Variants in NCALD observed in about 807,000 individuals in gnomAD.
NCALD encodes the protein neurocalcin-delta.
Under a neutral mutation model 18.6 loss-of-function variants are expected in NCALD, and 10 were observed. That is an observed-to-expected ratio of 0.54 (90% CI 0.33 to 0.91). NCALD has a LOEUF of 0.91. NCALD is among the 40% of genes least tolerant of loss of function. The probability of loss-of-function intolerance (pLI) is 0.03; values close to 1 mark genes in which losing one functional copy is unlikely to be tolerated. For synonymous variants in NCALD, 88 were observed against 87.4 expected (o/e 1.01, Z -0.04); for missense variants, 184 against 247.6 (o/e 0.74, Z 1.72).
At chr8:101,831,035 C>T (rs1221488494) in intron 4 of NCALD, among the ~76,000 whole-genome samples, 1 of 152,062 alleles carries the variant, frequency 6.6e-6, no homozygotes, top group African/African-American at 2.4e-5. Context: ...CCTGACCTGG[C>T]TTGAGTGTAC....
intron 2 of NCALD, among the ~76,000 whole-genome samples, chr8:101,709,245 T>C (rs2130287085): frequency 6.6e-6 from 1 of 152,352 alleles, no homozygotes; most frequent in South Asian, 2.1e-4. Context: ...ATTTATGGTG[T>C]ACACCCTACG....
chr8:102,063,565 A>G (rs1823913298), intron 1 of NCALD, among the ~76,000 whole-genome samples: 1 of 152,220 alleles, frequency 6.6e-6, no homozygotes, highest in South Asian at 2.1e-4. Flanking sequence ...AAATTTTTCC[A>G]TCTGTTGCCT....
intron 2 of NCALD, among the ~76,000 whole-genome samples, chr8:101,926,542 C>T (rs531572002): frequency 6.6e-6 from 1 of 152,186 alleles, no homozygotes; most frequent in Admixed American, 6.5e-5. Flanking sequence ...TGACTATTTC[C>T]GTTTTAAATA....
intron 1 of NCALD, among the ~76,000 whole-genome samples, chr8:101,740,932 ATCTT>A (rs927446747): frequency 1.3e-5 from 2 of 152,144 alleles, no homozygotes; most frequent in African/African-American, 2.4e-5. Context: ...CTATTCAACT[ATCTT>A]TATTTTTTCT....
At chr8:101,934,899 C>G (rs1247001254) in intron 2 of NCALD, among the ~76,000 whole-genome samples, 1 of 152,108 alleles carries the variant, frequency 6.6e-6, no homozygotes, top group Admixed American at 6.6e-5. Flanking sequence ...CTTGGGCCAT[C>G]CTCCTCAGAC....
At chr8:102,017,970 G>T (rs142163668) in intron 2 of NCALD, among the ~76,000 whole-genome samples, 18 of 152,284 alleles carry the variant, frequency 1.2e-4, no homozygotes, top group Non-Finnish European at 2.1e-4. Context: ...ATACGCAGAT[G>T]GCAAAGTAGG....
intron 1 of NCALD, among the ~76,000 whole-genome samples, chr8:101,752,352 AC>A (rs1486139550): frequency 6.6e-6 from 1 of 152,230 alleles, no homozygotes; most frequent in East Asian, 1.9e-4. Flanking sequence ...TTGTTGAGGA[AC>A]ATCTAAGTGG....
intron 2 of NCALD, among the ~76,000 whole-genome samples, chr8:101,713,898 A>T (rs117915743): frequency 0.03 from 4,631 of 152,224 alleles, 102 homozygotes; most frequent in Non-Finnish European, 0.045. Context: ...TCCAAACAAT[A>T]GAAAAAGAGA....
At chr8:101,714,907 G>T (rs1815995765) in intron 2 of NCALD, among the ~76,000 whole-genome samples, 1 of 150,688 alleles carries the variant, frequency 6.6e-6, no homozygotes, top group Admixed American at 6.6e-5. Context: ...TGAGGCAGGA[G>T]AATGGCGTGA....
intron 4 of NCALD, among the ~76,000 whole-genome samples, chr8:101,876,602 AG>A (rs2131432395): frequency 1.3e-5 from 2 of 152,290 alleles, no homozygotes; most frequent in East Asian, 3.9e-4. Flanking sequence ...TCTGTACTTA[AG>A]GGAGTGTATC....
intron 3 of NCALD, among the ~76,000 whole-genome samples, chr8:101,899,337 T>G (rs1446282674): frequency 1.3e-5 from 2 of 151,954 alleles, no homozygotes; most frequent in Non-Finnish European, 2.9e-5. Flanking sequence ...TGCCTGCAAA[T>G]AGGAATGGTT....
At chr8:101,703,943 G>C (rs1323254665) in intron 2 of NCALD, among the ~76,000 whole-genome samples, 1 of 152,146 alleles carries the variant, frequency 6.6e-6, no homozygotes, top group Non-Finnish European at 1.5e-5. Context: ...GAAAGGATTA[G>C]AGGAAAGACT....
chr8:101,999,522 A>G (rs1041324420), intron 2 of NCALD, among the ~76,000 whole-genome samples: 3 of 152,122 alleles, frequency 2.0e-5, no homozygotes, highest in Non-Finnish European at 4.4e-5. Context: ...CTCGGGGGAA[A>G]GGGTAGGGAG....
chr8:102,029,061 T>C (rs1258177257), intron 1 of NCALD: 1 of 152,078 alleles, frequency 6.6e-6, no homozygotes, highest in African/African-American at 2.4e-5. Flanking sequence ...AAGGACTTCG[T>C]GGAGGAGGAG....
chr8:101,753,009 C>T (rs982004939), intron 1 of NCALD, among the ~76,000 whole-genome samples: 4 of 152,098 alleles, frequency 2.6e-5, no homozygotes, highest in Non-Finnish European at 1.5e-5. Context: ...CTCAATTTCA[C>T]GTGCTCAGTA....
intron 2 of NCALD, among the ~76,000 whole-genome samples, chr8:101,917,947 G>T (rs956192232): frequency 3.3e-5 from 5 of 151,942 alleles, no homozygotes; most frequent in African/African-American, 1.2e-4. Flanking sequence ...CCAAATAATC[G>T]AGGAGAAAGA....
At chr8:101,831,498 T>C (rs1814184012) in intron 4 of NCALD, among the ~76,000 whole-genome samples, 1 of 152,264 alleles carries the variant, frequency 6.6e-6, no homozygotes, top group South Asian at 2.1e-4. Context: ...TATTTGAAAT[T>C]CTGAGTAGGT....
At chr8:101,940,688 A>T (rs1191810443) in intron 2 of NCALD, among the ~76,000 whole-genome samples, 1 of 152,214 alleles carries the variant, frequency 6.6e-6, no homozygotes, top group Non-Finnish European at 1.5e-5. Context: ...CCAGAAGGAG[A>T]CAAGCTCTAG....
At chr8:102,006,156 ACTT>A (rs1185174634) in intron 2 of NCALD, among the ~76,000 whole-genome samples, 4 of 152,164 alleles carry the variant, frequency 2.6e-5, no homozygotes, top group Admixed American at 6.5e-5. Context: ...CTCAGATGGC[ACTT>A]CTTTTCTTCA....
Sources: allele counts gnomAD v4.1 joint callset (sites outside exome capture counted in the v4.1 genomes callset), GRCh38; gene constraint gnomAD v4.1.1; transcripts MANE v1.5; gene names NCBI Gene and HGNC (gene_info 2026-07-23, HGNC 2026-07-21).